Variants in PIK3R1 observed in about 807,000 individuals in gnomAD.
PIK3R1 encodes phosphoinositide-3-kinase regulatory subunit 1.
A neutral mutation model predicts 98.0 loss-of-function variants in PIK3R1; 29 were observed. The observed-to-expected ratio is 0.30, with a 90% CI of 0.22 to 0.40. The LOEUF (loss-of-function observed/expected upper bound fraction) is 0.40. PIK3R1 is among the 10% of genes least tolerant of loss of function. The pLI, the probability that PIK3R1 is intolerant of heterozygous loss-of-function variation, is 1.00. For synonymous variants in PIK3R1, 282 were observed against 311.8 expected (o/e 0.90, Z 1.01); for missense variants, 596 against 872.7 (o/e 0.68, Z 3.99).
intron 2 of PIK3R1, among the ~76,000 whole-genome samples, chr5:68,241,516 A>G (rs1045701505): frequency 5.9e-5 from 9 of 151,810 alleles, no homozygotes; most frequent in African/African-American, 2.2e-4. Context: ...CTTTAATGTG[A>G]CTCCTTACTA....
intron 1 of PIK3R1, among the ~76,000 whole-genome samples, chr5:68,220,806 A>G (rs1744065925): frequency 6.6e-6 from 1 of 152,212 alleles, no homozygotes; most frequent in African/African-American, 2.4e-5. Flanking sequence ...ATCTCAGCCC[A>G]TTATTTTCAT....
At chr5:68,244,524 C>CCCCCG (rs1554046327) in intron 2 of PIK3R1, among the ~76,000 whole-genome samples, 1 of 34,142 alleles carries the variant, frequency 2.9e-5, no homozygotes. Context: ...CGCCCCCCCG[C>CCCCCG]CCCCCGCCGC....
At chr5:68,276,589 G>T (rs182230881) in intron 4 of PIK3R1, among the ~76,000 whole-genome samples, 149 of 152,268 alleles carry the variant, frequency 9.8e-4, no homozygotes, top group Non-Finnish European at 1.6e-3. Flanking sequence ...AAAAGTCATC[G>T]CATGACAGGT....
intron 2 of PIK3R1, among the ~76,000 whole-genome samples, chr5:68,262,410 A>ACT: frequency 6.9e-6 from 1 of 145,824 alleles, no homozygotes; most frequent in East Asian, 2.0e-4. Flanking sequence ...ATATACACAC[A>ACT]CGCACACACA....
At chr5:68,227,288 TCTA>T (rs1440697209) in intron 2 of PIK3R1, among the ~76,000 whole-genome samples, 1 of 152,222 alleles carries the variant, frequency 6.6e-6, no homozygotes, top group East Asian at 1.9e-4. Context: ...GAATTAAACA[TCTA>T]CTATATTTCT....
chr5:68,269,790 T>C (rs1336171352), intron 2 of PIK3R1, among the ~76,000 whole-genome samples: 1 of 152,180 alleles, frequency 6.6e-6, no homozygotes, highest in African/African-American at 2.4e-5. Context: ...TGGGTAGAAC[T>C]TTCACATTCA....
Position 68,297,597 on chromosome 5 carries a change from G to A in PIK3R1, c.2171G>A (p.Arg724Gln), listed in dbSNP as rs751430232. 17 of 1,613,102 alleles carry A rather than the reference G, an allele frequency of 1.1e-5. No homozygotes were observed. The highest frequency in any genetic ancestry group is 1.3e-5 in the African/African-American group (1 of 75,006). ...TACCCAGTATATGCACAGCAGAGGC[G>A]ATGAAGCGCTTACTCTTTGATCCTT... ...LAYPVYAQQR[R>Q] is the part of the protein sequence containing the mutation. Residue 724 changes from arginine (R) to glutamine (Q), a missense_variant, in exon 16 of 16, where the codon CGA (arginine) becomes CAA (glutamine). Coordinates refer to ENST00000521381, the MANE Select transcript of PIK3R1 (RefSeq NM_181523.3).
chr5:68,294,483 A>AAG, intron 11 of PIK3R1, 53 bp from the exon 12 acceptor site: 1 of 1,390,062 alleles, frequency 7.2e-7, no homozygotes, highest in Non-Finnish European at 9.9e-7. Flanking sequence ...GTCTTGCAGT[A>AAG]AGAGATTGTT....
rs186094146 is a variant in PIK3R1 at position 68,262,590 on chromosome 5, T to C, written c.335-10800T>C. Among the ~76,000 whole-genome samples, 245 of 139,982 alleles carry C rather than the reference T, an allele frequency of 1.8e-3. 7 individuals are homozygous for C. The highest frequency in any genetic ancestry group is 6.4e-3 in the African/African-American group (233 of 36,578). The allele number at this position is 139,982 out of a possible 152,430, so 91.8% of individuals were successfully genotyped here. ...ACATGTACCTACATGTATACACATG[T>C]ATCTGCATGTATACACATGTATACA... On this transcript the variant is annotated intron_variant, in intron 2 of 15. Coordinates refer to ENST00000521381, the MANE Select transcript of PIK3R1 (RefSeq NM_181523.3).
At chr5:68,255,067 A>G (rs1580207198) in intron 2 of PIK3R1, among the ~76,000 whole-genome samples, 1 of 152,334 alleles carries the variant, frequency 6.6e-6, no homozygotes, top group East Asian at 1.9e-4. Flanking sequence ...TGAATCTGGA[A>G]TGGCCTGGAA....
At chr5:68,287,216 C>G (rs192631269) in intron 7 of PIK3R1, among the ~76,000 whole-genome samples, 1 of 152,204 alleles carries the variant, frequency 6.6e-6, no homozygotes, top group Admixed American at 6.5e-5. Context: ...TTAATTTAAG[C>G]AAGCTAAAAA....
chr5:68,262,682 T>C (rs10036950), intron 2 of PIK3R1, among the ~76,000 whole-genome samples: 1 of 25,854 alleles, frequency 3.9e-5, no homozygotes. Flanking sequence ...GATACATGTA[T>C]CTGCATGTAT....
Position 68,280,696 on chromosome 5 carries a change from T to A in PIK3R1, c.803T>A (p.Phe268Tyr). 6.2e-7 allele frequency: 1 copy of A among 1,614,154 alleles called. No individual in the cohort carries two copies. The highest frequency in any genetic ancestry group is 1.7e-4 in the Middle Eastern group (1 of 6,060). Residue 268 changes from phenylalanine to tyrosine, a missense_variant, in exon 6 of 16, where the codon TTC becomes TAC. Physicochemically the swap from Phe to Tyr is conservative, Grantham distance 22 (BLOSUM62 3). Coordinates refer to ENST00000521381, the MANE Select transcript of PIK3R1 (RefSeq NM_181523.3). ...LLNARVLSEI[F>Y]SPMLFRFSAA... is the part of the protein sequence containing the mutation. ...AATGCAAGAGTACTCTCTGAAATTT[T>A]CAGCCCTATGCTTTTCAGATTCTCA...
intron 2 of PIK3R1, among the ~76,000 whole-genome samples, chr5:68,237,597 A>G (rs1439908427): frequency 1.9e-4 from 6 of 31,278 alleles, no homozygotes; most frequent in East Asian, 2.7e-3. Context: ...TTCCCATTGA[A>G]AAAAAAAAAA....
In PIK3R1 at chr5:68,293,470, C is replaced by A. The variant is rs2112259880; in HGVS notation, c.1286C>A (p.Ser429Tyr). ...KLDVKLLYPV[S>Y]KYQQDQVVKE... ...GATGTGAAATTACTTTATCCAGTAT[C>A]CAAATACCAACAGGTAATAAAAACT... Residue 429 changes from serine to tyrosine, a missense_variant, in exon 10 of 16, where the codon TCC becomes TAC. Coordinates refer to ENST00000521381, the MANE Select transcript of PIK3R1 (RefSeq NM_181523.3). 1 of 1,606,894 alleles carries A rather than the reference C, an allele frequency of 6.2e-7. No homozygotes were observed. The highest frequency in any genetic ancestry group is 1.1e-5 in the South Asian group (1 of 90,534).
At chr5:68,253,544 A>T (rs1194496140) in intron 2 of PIK3R1, among the ~76,000 whole-genome samples, 1 of 152,242 alleles carries the variant, frequency 6.6e-6, no homozygotes, top group Non-Finnish European at 1.5e-5. Flanking sequence ...TAAAAGAGCC[A>T]AACTTAAATT....
At chr5:68,290,966 C>T (rs1747357438) in intron 7 of PIK3R1, 1 of 619,950 alleles carries the variant, frequency 1.6e-6, no homozygotes. Context: ...TTAGTTTGCT[C>T]ATGGCTTAAA....
At chr5:68,270,887 T>C (rs977404991) in intron 2 of PIK3R1, among the ~76,000 whole-genome samples, 2 of 152,172 alleles carry the variant, frequency 1.3e-5, no homozygotes, top group Non-Finnish European at 2.9e-5. Context: ...GGAAATGAAA[T>C]GGTGTGCTCT....
intron 7 of PIK3R1, among the ~76,000 whole-genome samples, chr5:68,289,434 TTTTACAGAAAGTCTC>T (rs1195834995): frequency 6.6e-6 from 1 of 151,144 alleles, no homozygotes; most frequent in Non-Finnish European, 1.5e-5. Flanking sequence ...TGATCCCAAA[TTTTACAGAAAGTCTC>T]AAGGGTTTCT....
Sources: gnomAD v4.1 joint callset for allele counts (sites outside exome capture counted in the v4.1 genomes callset) on GRCh38, gnomAD v4.1.1 for gene constraint, MANE v1.5 for transcripts, NCBI Gene and HGNC (gene_info 2026-07-23, HGNC 2026-07-21) for gene names.